SLC25A16: variants seen among roughly 807,000 people sequenced by gnomAD.
SLC25A16 encodes solute carrier family 25 member 16, also known as mitochondrial coenzyme A transporter SLC25A16.
Under a neutral mutation model 41.5 loss-of-function variants are expected in SLC25A16, and 39 were observed. That is an observed-to-expected ratio of 0.94 (90% confidence interval 0.73 to 1.23). The LOEUF is 1.23. SLC25A16 is among the 50% of genes most tolerant of loss of function. The pLI, the probability that SLC25A16 is intolerant of heterozygous loss-of-function variation, is 0.00. For missense variants in SLC25A16, 421 were observed against 426.9 expected, an observed-to-expected ratio of 0.99 and a Z score of 0.12; for synonymous variants, 146 against 147.8, an observed-to-expected ratio of 0.99 and a Z score of 0.09.
Position 68,522,076 on chromosome 10 carries a change from T to A in SLC25A16, c.130+5170A>T, listed in dbSNP as rs570032248. ...TAATCGGGAGGTTGAGGCGGTAAAATCGCTTGAACTCGGGAGCCAGAAGTT... is the reference window on the plus strand; with the variant it reads ...TAATCGGGAGGTTGAGGCGGTAAAAACGCTTGAACTCGGGAGCCAGAAGTT... On this transcript the variant is annotated intron_variant, in intron 1 of 8. Transcript: ENST00000609923. Among the ~76,000 whole-genome samples, 20 of 151,120 alleles carry A rather than the reference T, an allele frequency of 1.3e-4. No homozygotes were observed. In the South Asian group the frequency reaches 4.2e-3, roughly 32 times the overall value.
intron 4 of SLC25A16, chr10:68,496,454 G>C: frequency 1.0e-6 from 1 of 982,182 alleles, no homozygotes; most frequent in Non-Finnish European, 1.2e-6. Context: ...GGTGGTAACA[G>C]CTTTCTTCTT....
intron 5 of SLC25A16, 59 bp downstream of exon 5, chr10:68,493,390 A>G: frequency 6.9e-7 from 1 of 1,442,668 alleles, no homozygotes; most frequent in Non-Finnish European, 9.7e-7. Flanking sequence ...ATGACATTCA[A>G]AATATTTTCC....
intron 1 of SLC25A16, chr10:68,517,294 C>G: frequency 1.0e-6 from 1 of 976,364 alleles, no homozygotes; most frequent in South Asian, 4.7e-5. Context: ...AAACAACCAA[C>G]TTTTACCCAT....
chr10:68,499,084 C>T (rs1368112807), intron 4 of SLC25A16, among the ~76,000 whole-genome samples: 2 of 151,920 alleles, frequency 1.3e-5, no homozygotes, highest in Admixed American at 6.6e-5. Context: ...CTCAGAACAA[C>T]TGAGATAGAG....
intron 2 of SLC25A16, among the ~76,000 whole-genome samples, chr10:68,511,396 AG>A (rs2053060899): frequency 6.6e-6 from 1 of 152,216 alleles, no homozygotes; most frequent in Non-Finnish European, 1.5e-5. Flanking sequence ...TATGCCTTGT[AG>A]GGTATACTGT....
intron 3 of SLC25A16, among the ~76,000 whole-genome samples, chr10:68,504,383 T>C (rs1373358613): frequency 3.3e-5 from 5 of 151,660 alleles, no homozygotes; most frequent in Non-Finnish European, 7.4e-5. Flanking sequence ...ATGGCATCAA[T>C]TCTCTTTGGC....
chr10:68,501,110 G>A (rs1241459188), intron 4 of SLC25A16, among the ~76,000 whole-genome samples: 1 of 151,842 alleles, frequency 6.6e-6, no homozygotes, highest in Non-Finnish European at 1.5e-5. Context: ...AAATTAGCCA[G>A]GCATGTGGCA....
chr10:68,494,821 G>C (rs996160241), intron 4 of SLC25A16, among the ~76,000 whole-genome samples: 1 of 151,398 alleles, frequency 6.6e-6, no homozygotes, highest in Non-Finnish European at 1.5e-5. Flanking sequence ...GGAGGTTGCA[G>C]TGAGCCGAGA....
intron 2 of SLC25A16, among the ~76,000 whole-genome samples, chr10:68,511,181 C>G (rs555247962): frequency 2.8e-4 from 42 of 152,236 alleles, no homozygotes; most frequent in Non-Finnish European, 5.3e-4. Flanking sequence ...GCGGAGGTTG[C>G]AGTGAGCCAA....
At chr10:68,501,386 A>G (rs1451255602) in intron 4 of SLC25A16, among the ~76,000 whole-genome samples, 4 of 152,174 alleles carry the variant, frequency 2.6e-5, no homozygotes, top group Non-Finnish European at 5.9e-5. Context: ...CGAGTGTCCA[A>G]ATATTACATG....
chr10:68,495,073 A>G (rs958004440), intron 4 of SLC25A16, among the ~76,000 whole-genome samples: 1 of 151,388 alleles, frequency 6.6e-6, no homozygotes, highest in Non-Finnish European at 1.5e-5. Flanking sequence ...CTTGAGCCCA[A>G]AAGTTCGAGA....
chr10:68,498,800 G>A lies in SLC25A16; in HGVS notation c.421+4832C>T, dbSNP rs1164158840. Among the ~76,000 whole-genome samples, 7 of 152,214 alleles carry A rather than the reference G, an allele frequency of 4.6e-5. No individual in the cohort carries two copies. In the East Asian group the frequency reaches 7.7e-4, roughly 17 times the overall value. Reference sequence around the variant, plus strand: ...GTTCTAATAATCATTGGAGTATACCGTATGGTCATTCTGGTTGCAGATGTC... The same window carrying A: ...GTTCTAATAATCATTGGAGTATACCATATGGTCATTCTGGTTGCAGATGTC... On this transcript the variant is annotated intron_variant, in intron 4 of 8. Coordinates refer to ENST00000609923, the MANE Select transcript of SLC25A16 (RefSeq NM_152707.4).
rs766559985 is a variant in SLC25A16, at chr10:68,483,572, T to C, written c.859A>G (p.Met287Val). The C allele has an allele frequency of 2.5e-5, 40 of 1,607,856 alleles. No homozygotes were observed. The South Asian group carries it at 3.7e-4, about 15-fold the overall frequency. ...CCATGGTGTCCATAGACATACTTCATAGTATCCCGCATGGTACTGAAAGAC... is the reference window on the plus strand; with the variant it reads ...CCATGGTGTCCATAGACATACTTCACAGTATCCCGCATGGTACTGAAAGAC... ...FEKCLTMRDT[M>V]KYVYGHHGIR... Residue 287 changes from methionine (M) to valine (V), a missense_variant, in exon 9 of 9, where the codon ATG (methionine) becomes GTG (valine). By Grantham distance (21) the Met-to-Val change is conservative (BLOSUM62 1). Transcript: ENST00000609923.
intron 4 of SLC25A16, among the ~76,000 whole-genome samples, chr10:68,497,004 C>T (rs1035810122): frequency 6.6e-5 from 10 of 152,040 alleles, no homozygotes; most frequent in Admixed American, 2.0e-4. Context: ...AAGGAACTAA[C>T]ATTACAAGGA....
At chr10:68,500,444 A>T (rs2052822208) in intron 4 of SLC25A16, among the ~76,000 whole-genome samples, 1 of 152,008 alleles carries the variant, frequency 6.6e-6, no homozygotes, top group African/African-American at 2.4e-5. Flanking sequence ...CGTATCTGGG[A>T]TTACAGGCGC....
intron 2 of SLC25A16, among the ~76,000 whole-genome samples, chr10:68,513,242 T>C (rs974323903): frequency 1.3e-5 from 2 of 150,696 alleles, no homozygotes; most frequent in Admixed American, 1.3e-4. Flanking sequence ...AACCCCGTCT[T>C]TACCAAAAAT....
chr10:68,517,260 C>T, intron 1 of SLC25A16: 5 of 987,364 alleles, frequency 5.1e-6, no homozygotes, highest in Non-Finnish European at 6.0e-6. Context: ...GTAAACTCCT[C>T]TTCTTCTGGA....
chr10:68,493,489 T>G lies in SLC25A16; in HGVS notation c.503A>C (p.Tyr168Ser), dbSNP rs1271028509. The change falls in exon 5 of 9, where the codon TAT becomes TCT. Residue 168 changes from tyrosine (Y) to serine (S), a missense_variant. Physicochemically the swap from Tyr to Ser is moderately radical, Grantham distance 144 (BLOSUM62 -2). Coordinates refer to ENST00000609923, the MANE Select transcript of SLC25A16 (RefSeq NM_152707.4). Reference sequence around the variant, plus strand: ...TTTGAAAGCATGAATAATTCCTGTATAGCTGTGTTCCCCTTTCACCTGGAA... The same window carrying G: ...TTTGAAAGCATGAATAATTCCTGTAGAGCTGTGTTCCCCTTTCACCTGGAA... ...LAFQVKGEHSYTGIIHAFKTI... is the reference protein window; with the variant it reads ...LAFQVKGEHSSTGIIHAFKTI... 6.2e-7 allele frequency: 1 copy of G among 1,613,462 alleles called. No homozygotes were observed. Among genetic ancestry groups the G allele is most frequent in the Non-Finnish European group, 8.5e-7 (1 of 1,179,498 alleles).
At chr10:68,524,924 G>T (rs888506978) in intron 1 of SLC25A16, among the ~76,000 whole-genome samples, 7 of 151,152 alleles carry the variant, frequency 4.6e-5, no homozygotes, top group Non-Finnish European at 7.4e-5. Flanking sequence ...GCATTCCCCT[G>T]TAATCCCAGC....
Sources: allele counts gnomAD v4.1 joint callset (sites outside exome capture counted in the v4.1 genomes callset), GRCh38; gene constraint gnomAD v4.1.1; transcripts MANE v1.5; gene names NCBI Gene and HGNC (gene_info 2026-07-23, HGNC 2026-07-21).